CDK19: variants seen among roughly 807,000 people sequenced by gnomAD.
CDK19 encodes cyclin dependent kinase 19.
CDK19 carries 20 observed loss-of-function variants against 68.3 expected under a neutral mutation model. The observed-to-expected ratio is 0.29, with a 90% CI of 0.21 to 0.43. The LOEUF is 0.43. CDK19 is among the 20% of genes least tolerant of loss of function. The pLI is 1.00. For synonymous variants in CDK19, 221 were observed against 222.8 expected (o/e 0.99, Z 0.07); for missense variants, 339 against 623.5 (o/e 0.54, Z 4.86).
chr6:110,791,258 T>C (rs112949064), intron 1 of CDK19, among the ~76,000 whole-genome samples: 3,109 of 150,502 alleles, frequency 0.021, 92 homozygotes, highest in African/African-American at 0.073. Flanking sequence ...AAAAGAAAAA[T>C]AGAATCAAAT....
intron 4 of CDK19, among the ~76,000 whole-genome samples, chr6:110,654,278 T>G (rs1004835044): frequency 6.6e-6 from 1 of 152,232 alleles, no homozygotes; most frequent in Admixed American, 6.5e-5. Context: ...CTGTAACAAA[T>G]AGGGCAAAGA....
chr6:110,621,439 A>T lies in CDK19; in HGVS notation c.1111-69T>A. On this transcript the variant is annotated intron_variant, in intron 11 of 12. Coordinates refer to ENST00000368911, the MANE Select transcript of CDK19 (RefSeq NM_015076.5). The surrounding 1 kb of genome is among the most constrained non-coding windows in gnomAD (Gnocchi z 5.4). Reference sequence around the variant, plus strand: ...CAGGAGCTTTCTTTAATTATTTGATATGCACATGTGGCTGCTGACCAACCT... The same window carrying T: ...CAGGAGCTTTCTTTAATTATTTGATTTGCACATGTGGCTGCTGACCAACCT... The T allele has an allele frequency of 6.7e-7, 1 of 1,487,590 alleles. No individual in the cohort carries two copies. The allele number at this position is 1,487,590 out of a possible 1,614,324, so 92.1% of individuals were successfully genotyped here.
chr6:110,728,745 G>A (rs769361443), intron 2 of CDK19, among the ~76,000 whole-genome samples: 2 of 152,042 alleles, frequency 1.3e-5, no homozygotes, highest in Non-Finnish European at 2.9e-5. Flanking sequence ...ACTCTCAAAT[G>A]TGGCATGCTG....
chr6:110,689,944 A>G (rs1772833524), intron 2 of CDK19, among the ~76,000 whole-genome samples: 1 of 152,168 alleles, frequency 6.6e-6, no homozygotes, highest in Non-Finnish European at 1.5e-5. Context: ...GGACAAAATC[A>G]TTGCGACAGC....
chr6:110,779,369 A>C (rs1202686839), intron 1 of CDK19, among the ~76,000 whole-genome samples: 1 of 152,156 alleles, frequency 6.6e-6, no homozygotes. Flanking sequence ...AGGCATAAAC[A>C]ACAAACTCGT....
At chr6:110,798,373 C>G (rs1475282331) in intron 1 of CDK19, among the ~76,000 whole-genome samples, 5 of 152,012 alleles carry the variant, frequency 3.3e-5, no homozygotes, top group African/African-American at 1.2e-4. Context: ...GCCTGTGATC[C>G]CAGCACTTTA....
At chr6:110,665,136 G>A (rs960545149) in intron 4 of CDK19, among the ~76,000 whole-genome samples, 1 of 152,232 alleles carries the variant, frequency 6.6e-6, no homozygotes, top group Admixed American at 6.5e-5. Flanking sequence ...TTGAGCAGGA[G>A]CTGAGTAATT....
chr6:110,799,144 TAAAAAAAAAA>T (rs369106433), intron 1 of CDK19, among the ~76,000 whole-genome samples: 12 of 49,138 alleles, frequency 2.4e-4, no homozygotes, highest in East Asian at 1.4e-3. Flanking sequence ...ACCCTGTATT[TAAAAAAAAAA>T]AAAAAAAAAA....
At chr6:110,722,141 A>T (rs949504617) in intron 2 of CDK19, 3 of 152,242 alleles carry the variant, frequency 2.0e-5, no homozygotes, top group African/African-American at 7.2e-5. Context: ...ACTGTTTTAT[A>T]CAGTCTTCAC....
At chr6:110,694,319 T>C (rs1286450023) in intron 2 of CDK19, among the ~76,000 whole-genome samples, 1 of 143,810 alleles carries the variant, frequency 7.0e-6, no homozygotes, top group Non-Finnish European at 1.6e-5. Context: ...AAGGAAACTA[T>C]GTTTCCATGC....
chr6:110,794,749 C>T (rs1386101533), intron 1 of CDK19, among the ~76,000 whole-genome samples: 4 of 151,704 alleles, frequency 2.6e-5, no homozygotes, highest in Admixed American at 6.6e-5. Context: ...CAAAACACAA[C>T]ATGAAACTTT....
At chr6:110,756,995 A>G (rs1778881839) in intron 1 of CDK19, among the ~76,000 whole-genome samples, 1 of 152,172 alleles carries the variant, frequency 6.6e-6, no homozygotes, top group African/African-American at 2.4e-5. Context: ...GTGATCACAA[A>G]GGGAAAGAAC....
chr6:110,781,035 C>T (rs914030428), intron 1 of CDK19, among the ~76,000 whole-genome samples: 6 of 152,008 alleles, frequency 3.9e-5, no homozygotes, highest in African/African-American at 1.5e-4. Flanking sequence ...CTTGATTAAC[C>T]ATCCAAAAAG....
chr6:110,809,654 T>C (rs2115152351), intron 1 of CDK19, among the ~76,000 whole-genome samples: 1 of 152,342 alleles, frequency 6.6e-6, no homozygotes, highest in East Asian at 1.9e-4. Context: ...TCAAAGCAAT[T>C]ACTAAAAACT....
rs562307055 is a variant in CDK19 at position 110,632,645 on chromosome 6, C to T, written c.515-484G>A. Among the ~76,000 whole-genome samples, 54 of 151,972 alleles carry T rather than the reference C, an allele frequency of 3.6e-4. No individual in the cohort carries two copies. In the South Asian group the frequency reaches 4.0e-3, roughly 11 times the overall value. ...ACTCGGGAGGCTGAGGCAGGAGAAT[C>T]GCTTGAACCAGGGAGGCGGAGGCTG... On this transcript the variant is annotated intron_variant, in intron 5 of 12. Transcript: ENST00000368911.
chr6:110,719,620 A>G (rs1425048731), intron 2 of CDK19, among the ~76,000 whole-genome samples: 1 of 152,238 alleles, frequency 6.6e-6, no homozygotes, highest in Admixed American at 6.5e-5. Flanking sequence ...ACTAGAAAAG[A>G]TAATACAGTT....
At chr6:110,623,925 G>A (rs983577531) in intron 8 of CDK19, among the ~76,000 whole-genome samples, 9 of 143,730 alleles carry the variant, frequency 6.3e-5, no homozygotes, top group Admixed American at 1.4e-4. Context: ...ATATATATAC[G>A]TGTATATATA....
chr6:110,744,606 C>G (rs1310376312), intron 2 of CDK19, among the ~76,000 whole-genome samples: 1 of 151,740 alleles, frequency 6.6e-6, no homozygotes, highest in Non-Finnish European at 1.5e-5. Context: ...TCATTCTGTT[C>G]ATTCATTTAT....
chr6:110,739,400 T>C (rs1448137361), intron 2 of CDK19, among the ~76,000 whole-genome samples: 3 of 152,156 alleles, frequency 2.0e-5, no homozygotes, highest in African/African-American at 7.2e-5. Context: ...TGAATGGGCC[T>C]TGATCCTGGA....
Sources: gnomAD v4.1 joint callset for allele counts (sites outside exome capture counted in the v4.1 genomes callset) on GRCh38, gnomAD v4.1.1 for gene constraint, Gnocchi (gnomAD v3.1) non-coding constraint, MANE v1.5 for transcripts, NCBI Gene and HGNC (gene_info 2026-07-23, HGNC 2026-07-21) for gene names.